SIAH3: variants seen among roughly 807,000 people sequenced by gnomAD.
SIAH3 encodes the protein seven in absentia homolog 3.
Under a neutral mutation model 12.6 loss-of-function variants are expected in SIAH3, and 9 were observed. That is an observed-to-expected ratio of 0.72 (90% CI 0.43 to 1.25). The LOEUF (loss-of-function observed/expected upper bound fraction) is 1.25, where lower values mean the gene tolerates loss of function less well. SIAH3 is among the 50% of genes most tolerant of loss of function. SIAH3 has a pLI of 0.00. For missense variants in SIAH3, 390 were observed against 365.4 expected, an observed-to-expected ratio of 1.07 and a Z score of -0.55; for synonymous variants, 154 against 151.1, an observed-to-expected ratio of 1.02 and a Z score of -0.14.
chr13:45,807,382 T>C (rs1293660642), intron 1 of SIAH3, among the ~76,000 whole-genome samples: 1 of 152,042 alleles, frequency 6.6e-6, no homozygotes, highest in Non-Finnish European at 1.5e-5. Context: ...GACTATTCAA[T>C]AAAATTGTAA....
chr13:45,813,977 G>A (rs988951528), intron 1 of SIAH3, among the ~76,000 whole-genome samples: 3 of 152,220 alleles, frequency 2.0e-5, no homozygotes, highest in African/African-American at 7.2e-5. Flanking sequence ...AGTGGCTCAC[G>A]CCTGTAATCC....
chr13:45,790,345 GA>G (rs1376450244), intron 1 of SIAH3, among the ~76,000 whole-genome samples: 1 of 152,126 alleles, frequency 6.6e-6, no homozygotes, highest in African/African-American at 2.4e-5. Flanking sequence ...GCAAAATAAT[GA>G]AAAGGGTCCA....
At chr13:45,786,095 G>A (rs1402722569) in intron 1 of SIAH3, among the ~76,000 whole-genome samples, 18 of 152,156 alleles carry the variant, frequency 1.2e-4, no homozygotes, top group Non-Finnish European at 2.9e-5. Context: ...TGGTGGCATG[G>A]ACCATTTAGT....
chr13:45,793,837 CT>C (rs1246624764), intron 1 of SIAH3, among the ~76,000 whole-genome samples: 1 of 152,218 alleles, frequency 6.6e-6, no homozygotes, highest in Non-Finnish European at 1.5e-5. Flanking sequence ...CGAAAATTGT[CT>C]TTGTAGATGT....
chr13:45,785,484 T>C (rs1249519119), intron 1 of SIAH3, among the ~76,000 whole-genome samples: 4 of 152,230 alleles, frequency 2.6e-5, no homozygotes, highest in African/African-American at 9.6e-5. Context: ...CTGTGGCTAA[T>C]AGTGAGCCAG....
intron 1 of SIAH3, among the ~76,000 whole-genome samples, chr13:45,829,171 C>T (rs1950689715): frequency 6.6e-6 from 1 of 152,154 alleles, no homozygotes; most frequent in African/African-American, 2.4e-5. Context: ...AGTAACTTGG[C>T]TCAAGGGCAT....
intron 1 of SIAH3, among the ~76,000 whole-genome samples, chr13:45,819,804 G>T (rs1474160889): frequency 6.6e-6 from 1 of 152,132 alleles, no homozygotes; most frequent in East Asian, 1.9e-4. Flanking sequence ...CACTTCCAGG[G>T]CCTGCAGGAC....
chr13:45,815,786 T>C (rs1950632372), intron 1 of SIAH3, among the ~76,000 whole-genome samples: 1 of 152,238 alleles, frequency 6.6e-6, no homozygotes, highest in Admixed American at 6.5e-5. Context: ...TGCCCCAGCC[T>C]GAAATGAGAC....
chr13:45,784,041 C>T lies in SIAH3; in HGVS notation c.152G>A (p.Arg51His). ...CTCTGGAGCGCTCTGAGTGACGGCG[C>T]GCCGACTGGACACATACTGTAAGGA... ...THNLKYVSSR[R>H]AVTQSAPEQG... is the part of the protein sequence containing the mutation. The change falls in exon 2 of 2, where the codon CGC becomes CAC. Residue 51 changes from arginine (R) to histidine (H), a missense_variant. Coordinates refer to ENST00000400405, the MANE Select transcript of SIAH3 (RefSeq NM_198849.3). 2 of 1,589,814 alleles carry T rather than the reference C, an allele frequency of 1.3e-6. No individual in the cohort carries two copies. The highest frequency in any genetic ancestry group is 1.3e-5 in the African/African-American group (1 of 74,716).
chr13:45,827,082 C>A (rs1340308503), intron 1 of SIAH3, among the ~76,000 whole-genome samples: 1 of 152,146 alleles, frequency 6.6e-6, no homozygotes, highest in Non-Finnish European at 1.5e-5. Context: ...TAGCTCTGAG[C>A]CAATCACTAT....
intron 1 of SIAH3, among the ~76,000 whole-genome samples, chr13:45,838,921 C>T (rs549587409): frequency 1.3e-5 from 2 of 152,150 alleles, no homozygotes; most frequent in Non-Finnish European, 2.9e-5. Context: ...ACCCTGATGC[C>T]TCCTTCACTC....
chr13:45,844,224 T>A (rs1950750678), intron 1 of SIAH3, among the ~76,000 whole-genome samples: 1 of 152,166 alleles, frequency 6.6e-6, no homozygotes, highest in Non-Finnish European at 1.5e-5. Flanking sequence ...TGGTAAAGCA[T>A]TATGTCGGAT....
At chr13:45,789,100 C>T (rs1476557750) in intron 1 of SIAH3, among the ~76,000 whole-genome samples, 1 of 152,126 alleles carries the variant, frequency 6.6e-6, no homozygotes, top group Non-Finnish European at 1.5e-5. Context: ...ACACAAAACT[C>T]AGAAGGACTC....
chr13:45,784,108 G>A (rs753012961), intron 1 of SIAH3, 51 bp from the exon 2 acceptor site: 2 of 1,491,388 alleles, frequency 1.3e-6, no homozygotes, highest in Non-Finnish European at 1.8e-6. Context: ...CACTCTCCCA[G>A]GCCGCCACTC....
intron 1 of SIAH3, among the ~76,000 whole-genome samples, chr13:45,834,528 C>T (rs1356442035): frequency 6.6e-6 from 1 of 152,128 alleles, no homozygotes; most frequent in Non-Finnish European, 1.5e-5. Context: ...GCAGAGAGGC[C>T]TCGGGTTCCA....
intron 1 of SIAH3, among the ~76,000 whole-genome samples, chr13:45,832,332 C>T (rs1202034649): frequency 2.6e-5 from 4 of 152,154 alleles, no homozygotes; most frequent in African/African-American, 4.8e-5. Context: ...ACACTGTGGC[C>T]GTGAAGCAGG....
chr13:45,818,992 A>T (rs563771259), intron 1 of SIAH3, among the ~76,000 whole-genome samples: 1 of 152,310 alleles, frequency 6.6e-6, no homozygotes, highest in East Asian at 1.9e-4. Context: ...TTAGGTGCTC[A>T]CATTCTAATG....
At chr13:45,789,487 A>G (rs1382602167) in intron 1 of SIAH3, among the ~76,000 whole-genome samples, 1 of 151,854 alleles carries the variant, frequency 6.6e-6, no homozygotes, top group African/African-American at 2.4e-5. Context: ...GCTCACTGCA[A>G]CCTCCACCTC....
At chr13:45,815,005 G>A (rs1182573323) in intron 1 of SIAH3, among the ~76,000 whole-genome samples, 1 of 151,978 alleles carries the variant, frequency 6.6e-6, no homozygotes, top group Non-Finnish European at 1.5e-5. Context: ...TTACAGGCAT[G>A]AGCCACCATG....
Sources: allele counts gnomAD v4.1 joint callset (sites outside exome capture counted in the v4.1 genomes callset), GRCh38; gene constraint gnomAD v4.1.1; transcripts MANE v1.5; gene names NCBI Gene and HGNC (gene_info 2026-07-23, HGNC 2026-07-21).